Variants in SWT1 observed in about 807,000 individuals in gnomAD.
SWT1 encodes the protein SWT1 RNA endoribonuclease homolog.
In SWT1, 33 loss-of-function variants were observed where a neutral mutation model predicts 107.3. The observed-to-expected ratio is 0.31, with a 90% confidence interval of 0.23 to 0.41. The LOEUF (loss-of-function observed/expected upper bound fraction) is 0.41. Ranked by LOEUF, SWT1 falls within the 10% of genes least tolerant of loss-of-function variation. The pLI is 1.00. For missense variants in SWT1, 898 were observed against 1,028.9 expected, an observed-to-expected ratio of 0.87 and a Z score of 1.74; for synonymous variants, 345 against 348.3, an observed-to-expected ratio of 0.99 and a Z score of 0.11.
chr1:185,206,433 T>A (rs542930354), intron 12 of SWT1, among the ~76,000 whole-genome samples, 192 bp from the exon 13 acceptor site: 1 of 152,334 alleles, frequency 6.6e-6, no homozygotes, highest in East Asian at 1.9e-4. Context: ...AATACTAACA[T>A]GAGTTTTACA....
At chr1:185,222,084 T>C in intron 15 of SWT1, 48 bp downstream of exon 15, 1 of 1,263,798 alleles carries the variant, frequency 7.9e-7, no homozygotes, top group Non-Finnish European at 1.1e-6. Context: ...TAAATTGACA[T>C]TATAATTGTA....
chr1:185,269,865 T>C (rs1162038657), intron 16 of SWT1, among the ~76,000 whole-genome samples: 2 of 152,234 alleles, frequency 1.3e-5, no homozygotes, highest in Non-Finnish European at 2.9e-5. Context: ...GTTAGGGTTA[T>C]CTTCTGATAA....
intron 13 of SWT1, among the ~76,000 whole-genome samples, chr1:185,209,844 G>A (rs1301636703): frequency 2.6e-5 from 4 of 152,202 alleles, no homozygotes; most frequent in African/African-American, 7.2e-5. Flanking sequence ...CCCACCAACA[G>A]TGTAAAAGCA....
intron 15 of SWT1, among the ~76,000 whole-genome samples, chr1:185,222,999 T>C (rs1371991085): frequency 6.6e-6 from 1 of 152,208 alleles, no homozygotes; most frequent in Non-Finnish European, 1.5e-5. Flanking sequence ...TATATAGTGC[T>C]ACAGCAGACA....
At chr1:185,195,000 T>TTTA (rs1020989114) in intron 10 of SWT1, among the ~76,000 whole-genome samples, 2 of 151,922 alleles carry the variant, frequency 1.3e-5, no homozygotes, top group South Asian at 2.1e-4. Flanking sequence ...TAACTTTCTT[T>TTTA]TTATTATTAT....
intron 9 of SWT1, among the ~76,000 whole-genome samples, chr1:185,189,949 A>G (rs1020981583): frequency 2.0e-5 from 3 of 151,696 alleles, no homozygotes; most frequent in Non-Finnish European, 2.9e-5. Context: ...CCCAGGTTCA[A>G]CTGATTCTCC....
At chr1:185,257,324 T>A (rs61824144) in intron 16 of SWT1, among the ~76,000 whole-genome samples, 1 of 151,976 alleles carries the variant, frequency 6.6e-6, no homozygotes. Flanking sequence ...TCGAGCTTCC[T>A]GGCTGCTTTG....
At chr1:185,263,512 A>G (rs1663173109) in intron 16 of SWT1, 1 of 149,262 alleles carries the variant, frequency 6.7e-6, no homozygotes. Flanking sequence ...GAGGCTTGAA[A>G]ACACCTTATC....
At chr1:185,159,683 A>G (rs1395759117) in intron 1 of SWT1, among the ~76,000 whole-genome samples, 1 of 152,118 alleles carries the variant, frequency 6.6e-6, no homozygotes, top group Non-Finnish European at 1.5e-5. Context: ...AACCTATGCA[A>G]GATGTATATG....
At chr1:185,281,947 C>T (rs1664651319) in intron 18 of SWT1, 1 of 152,224 alleles carries the variant, frequency 6.6e-6, no homozygotes, top group African/African-American at 2.4e-5. Context: ...CTTCTGGCCA[C>T]CCTTGCTGTG....
At chr1:185,280,313 A>T (rs1161018050) in intron 18 of SWT1, among the ~76,000 whole-genome samples, 1 of 152,078 alleles carries the variant, frequency 6.6e-6, no homozygotes, top group Non-Finnish European at 1.5e-5. Context: ...AGTCAGCTAA[A>T]CCTCTTTCCT....
At position 185,231,570 on chromosome 1, in the gene SWT1, A is replaced by AT. The variant is rs1558059839; in HGVS notation, c.2310-3dup. On this transcript the variant is annotated splice_polypyrimidine_tract_variant and splice_region_variant and intron_variant, in intron 15 of 18. Coordinates refer to ENST00000367500, the MANE Select transcript of SWT1 (RefSeq NM_017673.7). ...ACCTATGAGTATCTTTTTTTTCTCT[A>AT]TTTTAGCACGGATGTATTTCAAAGA... 6.3e-6 allele frequency: 10 copies of AT among 1,598,504 alleles called. No individual in the cohort carries two copies. In the East Asian group the frequency reaches 2.2e-4, roughly 36 times the overall value.
intron 15 of SWT1, among the ~76,000 whole-genome samples, chr1:185,228,225 T>G (rs1660243820): frequency 6.7e-6 from 1 of 149,604 alleles, no homozygotes; most frequent in African/African-American, 2.5e-5. Context: ...TCTTCAGCCT[T>G]AAGATACATT....
chr1:185,199,696 CT>C (rs1657704555), intron 10 of SWT1, among the ~76,000 whole-genome samples: 1 of 152,116 alleles, frequency 6.6e-6, no homozygotes. Flanking sequence ...CCATTTCAAC[CT>C]TGGTGAATGT....
At chr1:185,170,545 A>G (rs1654959753) in intron 4 of SWT1, among the ~76,000 whole-genome samples, 1 of 152,194 alleles carries the variant, frequency 6.6e-6, no homozygotes, top group Non-Finnish European at 1.5e-5. Flanking sequence ...CTCTCGGCAC[A>G]AAGGGCCCCT....
intron 16 of SWT1, among the ~76,000 whole-genome samples, chr1:185,233,076 C>G (rs888106608): frequency 6.6e-6 from 1 of 152,104 alleles, no homozygotes; most frequent in Non-Finnish European, 1.5e-5. Flanking sequence ...TTCAGGCCCT[C>G]TCAGATTTAT....
At chr1:185,176,879 G>T (rs1259926714) in intron 5 of SWT1, 4 of 417,982 alleles carry the variant, frequency 9.6e-6, no homozygotes, top group Non-Finnish European at 1.3e-5. Context: ...AGCTACTTGG[G>T]AGATTGAGGC....
chr1:185,267,838 T>C (rs1663514638), intron 16 of SWT1, among the ~76,000 whole-genome samples: 1 of 152,262 alleles, frequency 6.6e-6, no homozygotes, highest in Admixed American at 6.5e-5. Flanking sequence ...TCAAAAAGCC[T>C]TTTGTCTTCA....
intron 14 of SWT1, among the ~76,000 whole-genome samples, chr1:185,219,470 T>A (rs1397592153): frequency 6.6e-6 from 1 of 152,176 alleles, no homozygotes; most frequent in African/African-American, 2.4e-5. Flanking sequence ...AAATTTTATT[T>A]AAAAAAATTT....
Sources: gnomAD v4.1 joint callset for allele counts (sites outside exome capture counted in the v4.1 genomes callset) on GRCh38, gnomAD v4.1.1 for gene constraint, MANE v1.5 for transcripts, NCBI Gene and HGNC (gene_info 2026-07-23, HGNC 2026-07-21) for gene names.